The following ADAMTS19 variants were observed in gnomAD, a reference collection of about 807,000 sequenced individuals.
ADAMTS19 encodes the protein A disintegrin and metalloproteinase with thrombospondin motifs 19.
In ADAMTS19, 93 loss-of-function variants were observed where a neutral mutation model predicts 153.3. The observed-to-expected ratio is 0.61, with a 90% CI of 0.51 to 0.72. The LOEUF (loss-of-function observed/expected upper bound fraction) is 0.72, where lower values mean the gene tolerates loss of function less well. ADAMTS19 is among the 30% of genes least tolerant of loss of function. The probability of loss-of-function intolerance (pLI) is 0.00; values close to 1 mark genes in which losing one functional copy is unlikely to be tolerated. For missense variants in ADAMTS19, 1,482 were observed against 1,552.1 expected (o/e 0.95, Z 0.76); for synonymous variants, 600 against 556.6 (o/e 1.08, Z -1.10).
intron 21 of ADAMTS19, among the ~76,000 whole-genome samples, chr5:129,720,248 T>C (rs1265753200): frequency 6.6e-6 from 1 of 150,832 alleles, no homozygotes; most frequent in Non-Finnish European, 1.5e-5. Flanking sequence ...CTTGGCTCAC[T>C]GCAACCTCCG....
intron 21 of ADAMTS19, among the ~76,000 whole-genome samples, chr5:129,712,739 A>G (rs1374437427): frequency 6.6e-6 from 1 of 152,184 alleles, no homozygotes; most frequent in Non-Finnish European, 1.5e-5. Flanking sequence ...GAGCAGAAAT[A>G]CATTAACTTA....
chr5:129,529,969 T>A (rs556435156), intron 6 of ADAMTS19, among the ~76,000 whole-genome samples: 27 of 152,224 alleles, frequency 1.8e-4, no homozygotes, highest in African/African-American at 5.1e-4. Context: ...GGAGGTTGAA[T>A]ACCACCAATT....
chr5:129,679,518 G>A (rs1192928478), intron 16 of ADAMTS19, among the ~76,000 whole-genome samples: 1 of 152,186 alleles, frequency 6.6e-6, no homozygotes, highest in Non-Finnish European at 1.5e-5. Context: ...AAAGGTCCAA[G>A]GAGATTAGAG....
chr5:129,701,528 C>T lies in ADAMTS19; in HGVS notation c.3095C>T (p.Ala1032Val). Residue 1032 changes from alanine (A) to valine (V), a missense_variant, in exon 20 of 23, where the codon GCC becomes GTC. Physicochemically the swap from Ala to Val is moderately conservative, Grantham distance 64. This residue lies in a region of ADAMTS19 where 616 missense variants were observed against 724.4 expected (regional missense o/e 0.85). Transcript: ENST00000274487. ...AGGGACTGCATTGGGCCCAAGCCCGCCTCTGCCCAGCGCTGTGAGGGCCAG... is the reference window on the plus strand; with the variant it reads ...AGGGACTGCATTGGGCCCAAGCCCGTCTCTGCCCAGCGCTGTGAGGGCCAG... Reference protein sequence around the residue: ...RERDCIGPKPASAQRCEGQDC... With the variant: ...RERDCIGPKPVSAQRCEGQDC... 1 of 1,614,184 alleles carries T rather than the reference C, an allele frequency of 6.2e-7. No homozygotes were observed. The highest frequency in any genetic ancestry group is 1.6e-4 in the Middle Eastern group (1 of 6,062).
Position 129,663,348 on chromosome 5 carries a change from G to A in ADAMTS19, c.2426-2151G>A, listed in dbSNP as rs551236757. 1.6e-4 allele frequency among the ~76,000 whole-genome samples: 24 copies of A among 152,142 alleles called. No homozygotes were observed. The South Asian group carries it at 2.3e-3, about 14-fold the overall frequency. On this transcript the variant is annotated intron_variant, in intron 15 of 22. Coordinates refer to ENST00000274487, the MANE Select transcript of ADAMTS19 (RefSeq NM_133638.6). ...CTGCAAGGATATCTTGAAAAGCTAC[G>A]TCAATAGCATGACTTTTCTCTAGAT...
intron 7 of ADAMTS19, among the ~76,000 whole-genome samples, chr5:129,559,996 C>T (rs1332574283): frequency 6.6e-6 from 1 of 152,106 alleles, no homozygotes; most frequent in Non-Finnish European, 1.5e-5. Flanking sequence ...TAGAATTTCC[C>T]TTAGTAAAAG....
At chr5:129,722,605 T>G (rs2127202769) in intron 21 of ADAMTS19, among the ~76,000 whole-genome samples, 1 of 152,296 alleles carries the variant, frequency 6.6e-6, no homozygotes, top group East Asian at 1.9e-4. Context: ...TTTAATTAGA[T>G]CCCATTTGTC....
At chr5:129,731,526 T>G (rs896460672) in intron 21 of ADAMTS19, among the ~76,000 whole-genome samples, 2 of 152,090 alleles carry the variant, frequency 1.3e-5, no homozygotes, top group African/African-American at 4.8e-5. Flanking sequence ...AAATAAATTT[T>G]GAAGGAATGC....
At chr5:129,715,808 C>T (rs748806549) in intron 21 of ADAMTS19, among the ~76,000 whole-genome samples, 17 of 152,020 alleles carry the variant, frequency 1.1e-4, no homozygotes, top group Non-Finnish European at 1.6e-4. Context: ...GAGTAGTAGG[C>T]AGACTAGGGG....
At position 129,509,109 on chromosome 5, in the gene ADAMTS19, A is replaced by G. The variant is rs760035899; in HGVS notation, c.780A>G (p.Ile260Met). Residue 260 changes from isoleucine (I) to methionine (M), a missense_variant, in exon 3 of 23, where the codon ATA (isoleucine) becomes ATG (methionine). By Grantham distance (10) the Ile-to-Met change is conservative. Around this residue, in one of 2 missense-constraint regions of ADAMTS19, gnomAD observed 866 missense variants for 827.7 expected, o/e 1.05. Coordinates refer to ENST00000274487, the MANE Select transcript of ADAMTS19 (RefSeq NM_133638.6). Reference protein sequence around the residue: ...MGFIQLNEDFIFIEPLNDTMA... With the variant: ...MGFIQLNEDFMFIEPLNDTMA... ...TTATACAGCTCAATGAGGACTTCATATTTATTGAGCCACTCAATGATACAA... is the reference window on the plus strand; with the variant it reads ...TTATACAGCTCAATGAGGACTTCATGTTTATTGAGCCACTCAATGATACAA... 2 of 1,610,978 alleles carry G rather than the reference A, an allele frequency of 1.2e-6. No homozygotes were observed. Among genetic ancestry groups the G allele is most frequent in the African/African-American group, 2.7e-5 (2 of 74,774 alleles).
At chr5:129,731,400 C>T (rs1217509173) in intron 21 of ADAMTS19, among the ~76,000 whole-genome samples, 1 of 151,872 alleles carries the variant, frequency 6.6e-6, no homozygotes, top group African/African-American at 2.4e-5. Flanking sequence ...GAGTCAAATA[C>T]AAAGTTAAAG....
chr5:129,710,468 A>G (rs1055908386), intron 21 of ADAMTS19, among the ~76,000 whole-genome samples: 1 of 152,168 alleles, frequency 6.6e-6, no homozygotes, highest in African/African-American at 2.4e-5. Flanking sequence ...GAAGACATTT[A>G]TGCAGCCAAC....
chr5:129,607,718 A>G lies in ADAMTS19; in HGVS notation c.1478+11054A>G, dbSNP rs558902748. ...ATTTCAGTTATGATGAGTCTAACTT[A>G]AAGTCTGGTTATAGGCCTGTCCAAC... On this transcript the variant is annotated intron_variant, in intron 8 of 22. Transcript: ENST00000274487. Among the ~76,000 whole-genome samples, 136 of 152,248 alleles carry G rather than the reference A, an allele frequency of 8.9e-4. 1 individual carries two copies. Among genetic ancestry groups the G allele is most frequent in the African/African-American group, 3.0e-3 (126 of 41,554 alleles).
At chr5:129,605,959 T>G (rs777179225) in intron 8 of ADAMTS19, among the ~76,000 whole-genome samples, 1 of 152,192 alleles carries the variant, frequency 6.6e-6, no homozygotes, top group Non-Finnish European at 1.5e-5. Flanking sequence ...AAAATGCATA[T>G]GTATTTTTCA....
rs200576506 is a variant in ADAMTS19, at chr5:129,516,888, C to CT, written c.913+7663dup. Among the ~76,000 whole-genome samples the CT allele has an allele frequency of 5.5e-3, 578 of 105,664 alleles. 3 individuals are homozygous for CT. Among genetic ancestry groups the CT allele is most frequent in the Non-Finnish European group, 8.3e-3 (408 of 48,972 alleles). 69.3% of individuals were successfully genotyped at this position (105,664 alleles called of 152,430 possible). On this transcript the variant is annotated intron_variant, in intron 3 of 22. Transcript: ENST00000274487. ...CTTGTTAGGTTTTTTGAGATTTTTC[C>CT]TTTTTTTTTTTTTTTTTCGATGTAG...
At chr5:129,563,456 T>C (rs1753593716) in intron 7 of ADAMTS19, among the ~76,000 whole-genome samples, 1 of 152,126 alleles carries the variant, frequency 6.6e-6, no homozygotes, top group South Asian at 2.1e-4. Flanking sequence ...TGTAATTAAG[T>C]ATTCAAGGGA....
At chr5:129,528,123 T>G (rs1280375533) in intron 5 of ADAMTS19, among the ~76,000 whole-genome samples, 1 of 151,998 alleles carries the variant, frequency 6.6e-6, no homozygotes, top group East Asian at 1.9e-4. Context: ...TGTCTACTTT[T>G]AACACTTTTT....
chr5:129,632,539 C>T (rs1037082514), intron 10 of ADAMTS19, among the ~76,000 whole-genome samples: 8 of 151,900 alleles, frequency 5.3e-5, no homozygotes, highest in African/African-American at 1.7e-4. Context: ...TAGGAGTTTT[C>T]CTTTGGTTTC....
intron 3 of ADAMTS19, among the ~76,000 whole-genome samples, chr5:129,514,541 G>A (rs1301662798): frequency 6.6e-6 from 1 of 152,102 alleles, no homozygotes; most frequent in African/African-American, 2.4e-5. Context: ...GGTGACCAAT[G>A]ATGTTGAGCA....
Sources: gnomAD v4.1 joint callset for allele counts (sites outside exome capture counted in the v4.1 genomes callset) on GRCh38, gnomAD v4.1.1 for gene constraint, gnomAD v4.1.1 regional missense constraint, MANE v1.5 for transcripts, NCBI Gene and HGNC (gene_info 2026-07-23, HGNC 2026-07-21) for gene names.